Variants in HCN1 observed in about 807,000 individuals in gnomAD.
HCN1 encodes the protein hyperpolarization activated cyclic nucleotide gated potassium channel 1.
Under a neutral mutation model 78.9 loss-of-function variants are expected in HCN1, and 13 were observed. That is an observed-to-expected ratio of 0.16 (90% confidence interval 0.11 to 0.26). HCN1 has a LOEUF of 0.26. HCN1 is among the 10% of genes least tolerant of loss of function. The pLI, the probability that HCN1 is intolerant of heterozygous loss-of-function variation, is 1.00. For synonymous variants in HCN1, 552 were observed against 455.5 expected (o/e 1.21, Z -2.70); for missense variants, 810 against 1,154.3 (o/e 0.70, Z 4.32).
At chr5:45,388,399 T>A (rs772226164) in intron 4 of HCN1, among the ~76,000 whole-genome samples, 9 of 152,200 alleles carry the variant, frequency 5.9e-5, no homozygotes, top group Non-Finnish European at 1.2e-4. Context: ...CGCTGTGTTC[T>A]CTTCCTCTTG....
intron 2 of HCN1, among the ~76,000 whole-genome samples, chr5:45,628,116 TG>T (rs1745202373): frequency 6.6e-6 from 1 of 152,226 alleles, no homozygotes; most frequent in Non-Finnish European, 1.5e-5. Flanking sequence ...GGAACATTGG[TG>T]GCATAAGCAA....
intron 2 of HCN1, among the ~76,000 whole-genome samples, chr5:45,568,883 G>A (rs1236367837): frequency 6.6e-6 from 1 of 152,074 alleles, no homozygotes; most frequent in African/African-American, 2.4e-5. Flanking sequence ...AATCACAGAA[G>A]TTGAAAGGTC....
At chr5:45,687,432 A>G (rs899629975) in intron 1 of HCN1, among the ~76,000 whole-genome samples, 22 of 152,036 alleles carry the variant, frequency 1.4e-4, no homozygotes, top group Non-Finnish European at 3.1e-4. Flanking sequence ...ATATTTTCTT[A>G]TATTTCCTAT....
At chr5:45,459,950 A>G (rs1741112678) in intron 3 of HCN1, among the ~76,000 whole-genome samples, 1 of 152,154 alleles carries the variant, frequency 6.6e-6, no homozygotes, top group Non-Finnish European at 1.5e-5. Flanking sequence ...TGACAGATCT[A>G]TAATCAAGTA....
intron 2 of HCN1, among the ~76,000 whole-genome samples, chr5:45,542,078 GC>G (rs1256056851): frequency 6.6e-6 from 1 of 152,004 alleles, no homozygotes; most frequent in African/African-American, 2.4e-5. Flanking sequence ...AAGTGAAAGA[GC>G]CAGATAACTG....
intron 2 of HCN1, among the ~76,000 whole-genome samples, chr5:45,639,310 C>T (rs1261383446): frequency 1.3e-5 from 2 of 152,142 alleles, no homozygotes; most frequent in African/African-American, 2.4e-5. Context: ...AATTCACACA[C>T]ATGCAATAAT....
At chr5:45,302,834 G>A (rs1230668033) in intron 6 of HCN1, among the ~76,000 whole-genome samples, 2 of 151,862 alleles carry the variant, frequency 1.3e-5, no homozygotes, top group Non-Finnish European at 2.9e-5. Flanking sequence ...GGGTTCATCA[G>A]GGGTTTCTGC....
intron 2 of HCN1, among the ~76,000 whole-genome samples, chr5:45,509,017 C>T (rs1233655674): frequency 1.3e-5 from 2 of 152,048 alleles, no homozygotes; most frequent in Non-Finnish European, 2.9e-5. Flanking sequence ...TAAGTTCTTA[C>T]CCTGCCCAAA....
chr5:45,313,401 C>T (rs1745902310), intron 5 of HCN1, among the ~76,000 whole-genome samples: 1 of 152,096 alleles, frequency 6.6e-6, no homozygotes, highest in African/African-American at 2.4e-5. Flanking sequence ...GTAGATAAAA[C>T]CACAAAGGTG....
At chr5:45,621,734 C>T (rs879430631) in intron 2 of HCN1, among the ~76,000 whole-genome samples, 3 of 151,910 alleles carry the variant, frequency 2.0e-5, no homozygotes, top group African/African-American at 4.8e-5. Context: ...AAACCTTTCA[C>T]CCAAAAAACA....
intron 3 of HCN1, among the ~76,000 whole-genome samples, chr5:45,425,373 C>T (rs549565285): frequency 1.3e-5 from 2 of 152,110 alleles, no homozygotes; most frequent in Non-Finnish European, 2.9e-5. Flanking sequence ...TCATTAAATC[C>T]TTTGACATTA....
intron 5 of HCN1, among the ~76,000 whole-genome samples, chr5:45,337,603 G>A (rs757526563): frequency 2.5e-4 from 38 of 152,244 alleles, no homozygotes; most frequent in Admixed American, 4.6e-4. Flanking sequence ...CTATCTGAGG[G>A]TTGGAGTCAT....
chr5:45,402,548 G>A (rs1172044998), intron 3 of HCN1, among the ~76,000 whole-genome samples: 1 of 152,124 alleles, frequency 6.6e-6, no homozygotes, highest in Non-Finnish European at 1.5e-5. Context: ...CTGAGGTAGA[G>A]GAAGGATGTA....
At chr5:45,512,692 C>A (rs1742438971) in intron 2 of HCN1, among the ~76,000 whole-genome samples, 1 of 151,974 alleles carries the variant, frequency 6.6e-6, no homozygotes, top group African/African-American at 2.4e-5. Context: ...TCCACAGTAG[C>A]CACGGTTACA....
intron 4 of HCN1, among the ~76,000 whole-genome samples, chr5:45,378,347 G>A (rs1218782387): frequency 1.3e-5 from 2 of 151,924 alleles, no homozygotes; most frequent in Non-Finnish European, 2.9e-5. Context: ...ATAAACTAGA[G>A]TGCCAATTTT....
intron 5 of HCN1, among the ~76,000 whole-genome samples, chr5:45,304,479 C>T (rs1025309431): frequency 6.6e-6 from 1 of 152,124 alleles, no homozygotes; most frequent in South Asian, 2.1e-4. Context: ...AGTTCAAGAC[C>T]AGCCTGGTCA....
chr5:45,504,115 T>C (rs778092319), intron 2 of HCN1, among the ~76,000 whole-genome samples: 3 of 152,112 alleles, frequency 2.0e-5, no homozygotes, highest in African/African-American at 7.2e-5. Flanking sequence ...CTTCTTATTA[T>C]TATACATTAA....
chr5:45,357,109 C>T (rs1340277069), intron 4 of HCN1, among the ~76,000 whole-genome samples: 6 of 151,980 alleles, frequency 3.9e-5, no homozygotes, highest in Non-Finnish European at 8.8e-5. Flanking sequence ...TAGAATTTCT[C>T]TTTACAACAT....
intron 1 of HCN1, among the ~76,000 whole-genome samples, chr5:45,683,499 C>T (rs1739745044): frequency 6.6e-6 from 1 of 151,970 alleles, no homozygotes; most frequent in Admixed American, 6.6e-5. Context: ...AATTGTGTGC[C>T]TTATTGTATT....
Sources: allele counts gnomAD v4.1 joint callset (sites outside exome capture counted in the v4.1 genomes callset), GRCh38; gene constraint gnomAD v4.1.1; transcripts MANE v1.5; gene names NCBI Gene and HGNC (gene_info 2026-07-23, HGNC 2026-07-21).